Variants in NDUFAF6 observed in about 807,000 individuals in gnomAD.
The protein encoded by NDUFAF6 is NADH:ubiquinone oxidoreductase complex assembly factor 6.
In NDUFAF6, 45 loss-of-function variants were observed where a neutral mutation model predicts 40.8. The ratio of observed to expected loss-of-function variants is 1.10; its 90% CI spans 0.87 to 1.42. The LOEUF is 1.42. NDUFAF6 is among the 40% of genes most tolerant of loss of function. The probability of loss-of-function intolerance (pLI) is 0.00; values close to 1 mark genes in which losing one functional copy is unlikely to be tolerated. For missense variants in NDUFAF6, 435 were observed against 418.5 expected (o/e 1.04, Z -0.34); for synonymous variants, 185 against 155.9 (o/e 1.19, Z -1.39).
chr8:95,069,418 C>T (rs1179079725), intron 9 of NDUFAF6, among the ~76,000 whole-genome samples: 2 of 151,818 alleles, frequency 1.3e-5, no homozygotes, highest in Non-Finnish European at 2.9e-5. Context: ...TATATGCACT[C>T]GTATGATGGT....
chr8:94,985,175 C>A (rs925065291), intron 2 of NDUFAF6, among the ~76,000 whole-genome samples: 4 of 151,870 alleles, frequency 2.6e-5, no homozygotes, highest in African/African-American at 7.3e-5. Flanking sequence ...GCAAAAACTT[C>A]TTTTTGCCTC....
At chr8:95,117,849 C>T (rs191559496), downstream of NDUFAF6, among the ~76,000 whole-genome samples, 9 of 152,344 alleles carry the variant, frequency 5.9e-5, no homozygotes, top group East Asian at 1.7e-3. Flanking sequence ...CACTGAGTCA[C>T]TGCATGGATA....
At chr8:95,055,891 A>G (rs1832062302) in intron 8 of NDUFAF6, among the ~76,000 whole-genome samples, 1 of 152,162 alleles carries the variant, frequency 6.6e-6, no homozygotes, top group African/African-American at 2.4e-5. Flanking sequence ...TCACCATTAA[A>G]TTGGACTCAA....
At chr8:94,939,896 C>T (rs532052124) in intron 1 of NDUFAF6, 167 of 1,613,868 alleles carry the variant, frequency 1.0e-4, no homozygotes, top group Middle Eastern at 3.3e-4. Context: ...ATCAGTCCCA[C>T]GGGTGGCCTC....
At chr8:94,930,385 G>C in intron 1 of NDUFAF6, 1 of 1,501,020 alleles carries the variant, frequency 6.7e-7, no homozygotes, top group Non-Finnish European at 9.0e-7. Context: ...GTTATCAATT[G>C]GTTGTAAAGA....
At chr8:95,004,798 C>T (rs1247597058) in intron 2 of NDUFAF6, among the ~76,000 whole-genome samples, 1 of 152,140 alleles carries the variant, frequency 6.6e-6, no homozygotes, top group Non-Finnish European at 1.5e-5. Context: ...ATAAGTGAAC[C>T]CTACAAGATT....
At chr8:95,062,456 C>T (rs896276474), downstream of NDUFAF6, among the ~76,000 whole-genome samples, 5 of 152,112 alleles carry the variant, frequency 3.3e-5, no homozygotes, top group African/African-American at 1.2e-4. Flanking sequence ...TTTTGTTTTG[C>T]AAGAGTGGCA....
chr8:95,064,851 G>C (rs528187640), intron 9 of NDUFAF6, among the ~76,000 whole-genome samples: 1 of 152,100 alleles, frequency 6.6e-6, no homozygotes, highest in African/African-American at 2.4e-5. Context: ...CTAAACGGAC[G>C]GGCCTTGCTG....
chr8:95,115,128 A>G (rs1810103391), intron 4 of NDUFAF6, among the ~76,000 whole-genome samples: 1 of 152,182 alleles, frequency 6.6e-6, no homozygotes, highest in African/African-American at 2.4e-5. Context: ...CATGTACTCA[A>G]CTTGCCAAAT....
At chr8:94,946,562 T>C (rs963571706) in intron 2 of NDUFAF6, among the ~76,000 whole-genome samples, 1 of 150,978 alleles carries the variant, frequency 6.6e-6, no homozygotes, top group Non-Finnish European at 1.5e-5. Context: ...CTGGGTGTGG[T>C]GGTATGTGCA....
downstream of NDUFAF6, chr8:95,078,721 C>T (rs1808718905): frequency 6.6e-6 from 1 of 150,968 alleles, no homozygotes. Flanking sequence ...CCCTCTTCCC[C>T]AGAACCTCTG....
At chr8:94,940,099 A>G (rs1238534286) in intron 1 of NDUFAF6, 2 of 1,614,234 alleles carry the variant, frequency 1.2e-6, no homozygotes, top group Admixed American at 1.7e-5. Flanking sequence ...AATCACTTGT[A>G]TCAGCCAAGC....
chr8:95,093,622 T>G (rs6471518), intron 2 of NDUFAF6, among the ~76,000 whole-genome samples: 62,335 of 151,882 alleles, frequency 0.41, 14,153 homozygotes, highest in East Asian at 0.73. Context: ...AAAACCTGCT[T>G]GTAACAAAGT....
At position 95,058,586 on chromosome 8, in the gene NDUFAF6, A is replaced by G; in HGVS notation, c.*649A>G. ...TCTGGAAGCTTTTACTTTTTTGTTA[A>G]TCCCACTTCCTCACTCTGTCATTCA... On this transcript the variant is annotated 3_prime_UTR_variant, in exon 9 of 9. Transcript: ENST00000396124. 2.5e-6 allele frequency: 3 copies of G among 1,192,270 alleles called. No homozygotes were observed. The highest frequency in any genetic ancestry group is 3.1e-6 in the Non-Finnish European group (3 of 963,992). 73.9% of individuals were successfully genotyped at this position (1,192,270 alleles called of 1,614,324 possible).
intron 2 of NDUFAF6, among the ~76,000 whole-genome samples, chr8:95,089,072 T>C (rs1809159186): frequency 6.6e-6 from 1 of 151,708 alleles, no homozygotes; most frequent in Non-Finnish European, 1.5e-5. Context: ...TTGTTTTTCT[T>C]TTTTTTGAGA....
At chr8:94,974,701 GC>G in intron 1 of NDUFAF6, 1 of 165,376 alleles carries the variant, frequency 6.0e-6, no homozygotes, top group Non-Finnish European at 1.3e-5. Context: ...GAGGTAGAAT[GC>G]CATAGGAGAG....
intron 2 of NDUFAF6, 99 bp from the exon 3 acceptor site, chr8:95,035,355 T>C: frequency 7.9e-7 from 1 of 1,271,284 alleles, no homozygotes; most frequent in Non-Finnish European, 1.1e-6. Context: ...ATAGTCATAA[T>C]ACAGAACAGT....
At chr8:95,085,084 G>T (rs1374677105) in intron 2 of NDUFAF6, among the ~76,000 whole-genome samples, 3 of 152,168 alleles carry the variant, frequency 2.0e-5, no homozygotes, top group African/African-American at 7.2e-5. Context: ...ATGGCTACTG[G>T]CTTTGGAGCA....
At position 94,940,747 on chromosome 8, in the gene NDUFAF6, T is replaced by C. The variant is rs80202389; in HGVS notation, c.-935-4736T>C. ...TTTAAGGCTGAAAACCCCTCAGTTA[T>C]TGGTTTCCTTATGCAAAAACTGAGA... On this transcript the variant is annotated intron_variant, in intron 1 of 14. Coordinates refer to the NDUFAF6 transcript ENST00000396113. The C allele has an allele frequency of 0.017, 17,535 of 1,015,918 alleles. 209 individuals carry two copies. The highest frequency in any genetic ancestry group is 0.04 in the African/African-American group (2,483 of 61,990). 62.9% of individuals were successfully genotyped at this position (1,015,918 alleles called of 1,614,324 possible).
Sources: allele counts gnomAD v4.1 joint callset (sites outside exome capture counted in the v4.1 genomes callset), GRCh38; gene constraint gnomAD v4.1.1; transcripts MANE v1.5; gene names NCBI Gene and HGNC (gene_info 2026-07-23, HGNC 2026-07-21).